Variants in TFAP2C observed in about 807,000 individuals in gnomAD.
TFAP2C encodes the protein activating enhancer-binding protein 2 gamma.
Under a neutral mutation model 42.9 loss-of-function variants are expected in TFAP2C, and 9 were observed. The ratio of observed to expected loss-of-function variants is 0.21; its 90% CI spans 0.13 to 0.37. TFAP2C has a LOEUF of 0.37. Among genes scored for constraint, TFAP2C ranks in the 10% least tolerant of loss-of-function variants. The probability of loss-of-function intolerance (pLI) is 1.00; values close to 1 mark genes in which losing one functional copy is unlikely to be tolerated. For synonymous variants in TFAP2C, 264 were observed against 256.0 expected, an observed-to-expected ratio of 1.03 and a Z score of -0.30; for missense variants, 462 against 591.7, an observed-to-expected ratio of 0.78 and a Z score of 2.27.
In TFAP2C at chr20:56,633,468, C is replaced by T; in HGVS notation, c.702C>T (p.Leu234=). 2 of 1,614,162 alleles carry T rather than the reference C, an allele frequency of 1.2e-6. No individual in the cohort carries two copies. Among genetic ancestry groups the T allele is most frequent in the Non-Finnish European group, 8.5e-7 (1 of 1,180,034 alleles). The change falls in exon 4 of 7, where the codon CTC becomes CTT. Residue 234 remains leucine (L), a synonymous_variant. Coordinates refer to ENST00000201031, the MANE Select transcript of TFAP2C (RefSeq NM_003222.4). ...FCSVPGRLSL[L]SSTSKYKVTV... ...CAGTCCCTGGAAGATTGTCGCTCCT[C>T]AGCTCTACGTCTAAATACAAAGTGA...
rs1390551841 is a variant in TFAP2C, at chr20:56,638,477, AAAG to A, written c.*467_*469del. Reference sequence around the variant, plus strand: ...GTCCGCTAAATATTTACCTTGAAAAAAAGAAAAGTGTGTATCTAGCTTCTTCAG... The same window carrying A: ...GTCCGCTAAATATTTACCTTGAAAAAAAAAGTGTGTATCTAGCTTCTTCAG... On this transcript the variant is annotated 3_prime_UTR_variant, in exon 7 of 7. Transcript: ENST00000201031. 3.2e-5 allele frequency: 5 copies of A among 158,714 alleles called. No homozygotes were observed. Among genetic ancestry groups the A allele is most frequent in the Non-Finnish European group, 7.0e-5 (5 of 71,520 alleles). 9.8% of individuals were successfully genotyped at this position (158,714 alleles called of 1,614,324 possible).
Position 56,631,193 on chromosome 20 carries a change from T to C in TFAP2C, c.49-12T>C. 6.7e-7 allele frequency: 1 copy of C among 1,496,508 alleles called. No homozygotes were observed. Among genetic ancestry groups the C allele is most frequent in the South Asian group, 1.4e-5 (1 of 73,540 alleles). 92.7% of individuals were successfully genotyped at this position (1,496,508 alleles called of 1,614,324 possible). ...CACTAACGGGGTCTCCTGTTTTTTT[T>C]TTTCCCTCCAGGATCGCCACGACGG... On this transcript the variant is annotated splice_polypyrimidine_tract_variant and intron_variant, in intron 1 of 6. Transcript: ENST00000201031. The surrounding 1 kb of genome is among the most constrained non-coding windows in gnomAD (Gnocchi z 6.1).
rs1987615211 is a variant in TFAP2C, at chr20:56,637,847, T to C, written c.1187T>C (p.Ile396Thr). ...AACTGCTTGTCTCATTTCAGCCTGA[T>C]TACCCACGGGTTTGGCAGCCAGGCC... The part of the protein sequence containing the change: ...IQNCLSHFSL[I>T]THGFGSQAIC... The change falls in exon 7 of 7, where the codon ATT (isoleucine) becomes ACT (threonine). Residue 396 changes from isoleucine (I) to threonine (T), a missense_variant. Coordinates refer to ENST00000201031, the MANE Select transcript of TFAP2C (RefSeq NM_003222.4). The C allele has an allele frequency of 6.2e-7, 1 of 1,609,696 alleles. No homozygotes were observed. Among genetic ancestry groups the C allele is most frequent in the South Asian group, 1.1e-5 (1 of 90,994 alleles).
intron 5 of TFAP2C, among the ~76,000 whole-genome samples, chr20:56,634,581 G>T (rs767778074): frequency 7.2e-5 from 11 of 152,138 alleles, no homozygotes; most frequent in Non-Finnish European, 1.0e-4. Context: ...AAATGAACCA[G>T]TTTTTTTGGA....
chr20:56,635,524 C>A (rs988880063), intron 5 of TFAP2C, among the ~76,000 whole-genome samples: 1 of 151,970 alleles, frequency 6.6e-6, no homozygotes, highest in Admixed American at 6.6e-5. Context: ...AAGAAACATT[C>A]TAGAGATCTG....
intron 5 of TFAP2C, 69 bp from the exon 6 acceptor site, chr20:56,636,537 AAAAG>A (rs1313757485): frequency 2.1e-5 from 32 of 1,513,606 alleles, no homozygotes; most frequent in East Asian, 2.0e-4. Context: ...AAAAAAAAAA[AAAAG>A]AGAGAGGAAA....
chr20:56,629,656 T>G lies in TFAP2C; in HGVS notation c.48+64T>G. On this transcript the variant is annotated intron_variant, in intron 1 of 6. Transcript: ENST00000201031. The surrounding 1 kb of genome is among the most constrained non-coding windows in gnomAD (Gnocchi z 5.9). The stretch of plus-strand genomic sequence containing the variant: ...GGACAGTCCGGGAGGCAGGGGCCAC[T>G]GGACCGAGGTCGGGGACGAGGGCAT... The G allele has an allele frequency of 1.5e-6, 2 of 1,293,342 alleles. No individual in the cohort carries two copies. The highest frequency in any genetic ancestry group is 2.0e-6 in the Non-Finnish European group (2 of 1,000,340). 80.1% of individuals were successfully genotyped at this position (1,293,342 alleles called of 1,614,324 possible).
intron 5 of TFAP2C, among the ~76,000 whole-genome samples, chr20:56,636,269 T>G (rs1222006955): frequency 2.0e-5 from 3 of 152,148 alleles, no homozygotes; most frequent in Non-Finnish European, 4.4e-5. Flanking sequence ...GGGGGCTGGG[T>G]GCTGTGGCTC....
Position 56,636,639 on chromosome 20 carries a change from G to C in TFAP2C, c.952G>C (p.Ala318Pro). 6.2e-7 allele frequency: 1 copy of C among 1,614,068 alleles called. No individual in the cohort carries two copies. Among genetic ancestry groups the C allele is most frequent in the Non-Finnish European group, 8.5e-7 (1 of 1,179,996 alleles). The change falls in exon 6 of 7, where the codon GCC becomes CCC. Residue 318 changes from alanine (A) to proline (P), a missense_variant. Ala to Pro is a conservative substitution (Grantham distance 27). Coordinates refer to ENST00000201031, the MANE Select transcript of TFAP2C (RefSeq NM_003222.4). ...GEAVHLARDF[A>P]YVCEAEFPSK... ...AGCTGTTCATTTGGCTAGGGACTTTGCCTATGTCTGTGAAGCCGAATTTCC... is the reference window on the plus strand; with the variant it reads ...AGCTGTTCATTTGGCTAGGGACTTTCCCTATGTCTGTGAAGCCGAATTTCC...
rs1314106740 is a variant in TFAP2C at position 56,631,509 on chromosome 20, A to G, written c.353A>G (p.His118Arg). 6 of 1,502,960 alleles carry G rather than the reference A, an allele frequency of 4.0e-6. No individual in the cohort carries two copies. The South Asian group carries it at 7.7e-5, about 19-fold the overall frequency. 93.1% of individuals were successfully genotyped at this position (1,502,960 alleles called of 1,614,324 possible). A position where few individuals can be genotyped will look rare whatever the true frequency, so the allele number is the denominator to read the frequency against. ...GAGGGAGCGGGGCTGCCCTCGCACC[A>G]CGGGCGCCCGGCCGGCCTACTGCCC... The part of the protein sequence containing the change: ...SQEGAGLPSH[H>R]GRPAGLLPHL... The change falls in exon 2 of 7, where the codon CAC becomes CGC. Residue 118 changes from histidine (H) to arginine (R), a missense_variant. By Grantham distance (29) the His-to-Arg change is conservative. This residue lies in a region of TFAP2C where 271 missense variants were observed against 269.7 expected (regional missense o/e 1.00). Coordinates refer to ENST00000201031, the MANE Select transcript of TFAP2C (RefSeq NM_003222.4). The surrounding 1 kb of genome is among the most constrained non-coding windows in gnomAD (Gnocchi z 6.1).
Position 56,633,361 on chromosome 20 carries a change from T to A in TFAP2C, c.595T>A (p.Ser199Thr), listed in dbSNP as rs761973154. The A allele has an allele frequency of 6.2e-7, 1 of 1,612,524 alleles. No homozygotes were observed. Among genetic ancestry groups the A allele is most frequent in the Admixed American group, 1.7e-5 (1 of 59,960 alleles). Residue 199 changes from serine (S) to threonine (T), a missense_variant, in exon 4 of 7, where the codon TCC (serine) becomes ACC (threonine). This residue lies in a region of TFAP2C where 21 missense variants were observed against 38.1 expected (regional missense o/e 0.55). Coordinates refer to ENST00000201031, the MANE Select transcript of TFAP2C (RefSeq NM_003222.4). ...CTGACCTTCATTCACAGGTCCCATT[T>A]CCATGACCAAGAACCCTCTGAACCT... The part of the protein sequence containing the change: ...DQTVIRKGPI[S>T]MTKNPLNLPC...
In TFAP2C at chr20:56,631,547, C is replaced by A; in HGVS notation, c.391C>A (p.Leu131Met). 6.5e-7 allele frequency: 1 copy of A among 1,531,842 alleles called. No individual in the cohort carries two copies. The allele number at this position is 1,531,842 out of a possible 1,614,324, so 94.9% of individuals were successfully genotyped here. A position where few individuals can be genotyped will look rare whatever the true frequency, so the allele number is the denominator to read the frequency against. Residue 131 changes from leucine (L) to methionine (M), a missense_variant, in exon 2 of 7, where the codon CTG (leucine) becomes ATG (methionine). By Grantham distance (15) the Leu-to-Met change is conservative (BLOSUM62 2). Transcript: ENST00000201031. This position sits in a 1 kb window ranked among gnomAD's most constrained non-coding sequence, Gnocchi z 6.1. ...CGGCCTACTGCCCCACCTCTCCGGG[C>A]TGGAGGCGGGCGCGGTGAGCGCCCG... is the stretch of plus-strand genomic sequence containing the variant. The part of the protein sequence containing the change: ...PAGLLPHLSG[L>M]EAGAVSARRD...
intron 6 of TFAP2C, among the ~76,000 whole-genome samples, chr20:56,637,111 GA>G (rs1987597194): frequency 6.6e-6 from 1 of 152,206 alleles, no homozygotes; most frequent in African/African-American, 2.4e-5. Context: ...TCTACCTCCT[GA>G]TAGCAAGACT....
In TFAP2C at chr20:56,631,571, C is replaced by G; in HGVS notation, c.415C>G (p.Arg139Gly). 2 of 1,534,610 alleles carry G rather than the reference C, an allele frequency of 1.3e-6. No individual in the cohort carries two copies. Among genetic ancestry groups the G allele is most frequent in the Non-Finnish European group, 1.7e-6 (2 of 1,147,540 alleles). ...GCTGGAGGCGGGCGCGGTGAGCGCC[C>G]GCAGGGATGCCTACCGCCGCTCCGA... Reference protein sequence around the residue: ...SGLEAGAVSARRDAYRRSDLL... With the variant: ...SGLEAGAVSAGRDAYRRSDLL... The change falls in exon 2 of 7, where the codon CGC (arginine) becomes GGC (glycine). Residue 139 changes from arginine (R) to glycine (G), a missense_variant. By Grantham distance (125) the Arg-to-Gly change is moderately radical. Transcript: ENST00000201031. The surrounding 1 kb of genome is among the most constrained non-coding windows in gnomAD (Gnocchi z 6.1).
chr20:56,632,760 T>C (rs1217079998), intron 3 of TFAP2C, among the ~76,000 whole-genome samples: 1 of 152,060 alleles, frequency 6.6e-6, no homozygotes, highest in Non-Finnish European at 1.5e-5. Flanking sequence ...TTATTTAGTA[T>C]TGAAGCAGTC....
intron 4 of TFAP2C, 89 bp from the exon 5 acceptor site, chr20:56,634,061 G>A (rs1449235860): frequency 1.2e-6 from 1 of 842,906 alleles, no homozygotes; most frequent in Admixed American, 2.2e-5. Flanking sequence ...TTTGACAGCA[G>A]CACTTTAGGA....
chr20:56,629,670 G>T lies in TFAP2C; in HGVS notation c.48+78G>T. On this transcript the variant is annotated intron_variant, in intron 1 of 6. Transcript: ENST00000201031. This position sits in a 1 kb window ranked among gnomAD's most constrained non-coding sequence, Gnocchi z 5.9. ...GCAGGGGCCACTGGACCGAGGTCGG[G>T]GACGAGGGCATAGGAGCCCTGGCCT... 8.4e-7 allele frequency: 1 copy of T among 1,195,714 alleles called. No homozygotes were observed. The highest frequency in any genetic ancestry group is 2.6e-5 in the South Asian group (1 of 38,992). The allele number at this position is 1,195,714 out of a possible 1,614,324, so 74.1% of individuals were successfully genotyped here. A position where few individuals can be genotyped will look rare whatever the true frequency, so the allele number is the denominator to read the frequency against.
Position 56,634,363 on chromosome 20 carries a change from C to G in TFAP2C, c.922+95C>G, listed in dbSNP as rs192434905. On this transcript the variant is annotated intron_variant, in intron 5 of 6. Transcript: ENST00000201031. ...AAAAACTGGAAAACAACTCTTAAAA[C>G]TTGGTTGCAAGTAGAGATGAAAGCA... is the stretch of plus-strand genomic sequence containing the variant. The G allele has an allele frequency of 2.0e-3, 1,823 of 889,292 alleles. 4 individuals carry two copies. The highest frequency in any genetic ancestry group is 2.5e-3 in the Non-Finnish European group (1,405 of 556,932). The allele number at this position is 889,292 out of a possible 1,614,324, so 55.1% of individuals were successfully genotyped here.
chr20:56,639,258 A>G lies in TFAP2C; in HGVS notation c.*1245A>G, dbSNP rs1306280393. ...GTTGTGTGTATGATACGTGTATAAT[A>G]AAAGTATTCTTGTTAGAATCTGAAA... On this transcript the variant is annotated 3_prime_UTR_variant, in exon 7 of 7. Coordinates refer to ENST00000201031, the MANE Select transcript of TFAP2C (RefSeq NM_003222.4). The G allele has an allele frequency of 6.6e-6, 1 of 152,344 alleles. No individual in the cohort carries two copies. Among genetic ancestry groups the G allele is most frequent in the Non-Finnish European group, 1.5e-5 (1 of 68,060 alleles). 9.4% of individuals were successfully genotyped at this position (152,344 alleles called of 1,614,324 possible). A position where few individuals can be genotyped will look rare whatever the true frequency, so the allele number is the denominator to read the frequency against.
Sources: gnomAD v4.1 joint callset for allele counts (sites outside exome capture counted in the v4.1 genomes callset) on GRCh38, gnomAD v4.1.1 for gene constraint, gnomAD v4.1.1 regional missense constraint, Gnocchi (gnomAD v3.1) non-coding constraint, MANE v1.5 for transcripts, NCBI Gene and HGNC (gene_info 2026-07-23, HGNC 2026-07-21) for gene names.